Variants in DLGAP2 observed in about 807,000 individuals in gnomAD.
DLGAP2 encodes disks large-associated protein 2.
DLGAP2 carries 26 observed loss-of-function variants against 100.3 expected under a neutral mutation model. That is an observed-to-expected ratio of 0.26 (90% confidence interval 0.19 to 0.36). The LOEUF is 0.36. Among genes scored for constraint, DLGAP2 ranks in the 10% least tolerant of loss-of-function variants. DLGAP2 has a pLI of 1.00. For missense variants in DLGAP2, 1,858 were observed against 1,453.2 expected (o/e 1.28, Z -4.53); for synonymous variants, 886 against 630.1 (o/e 1.41, Z -6.08).
In DLGAP2 at chr8:1,651,510, C is replaced by T. The variant is rs556184068; in HGVS notation, c.1811-16819C>T. The stretch of plus-strand genomic sequence containing the variant: ...TAGGCTGAGATCCTCAACTGAGCTG[C>T]TTCTCTAAAGCAGGGGCAGCGGGCA... On this transcript the variant is annotated intron_variant, in intron 8 of 14. Transcript: ENST00000637795. Among the ~76,000 whole-genome samples the T allele has an allele frequency of 8.9e-4, 136 of 152,318 alleles. 2 individuals are homozygous for T. In the South Asian group the frequency reaches 0.01, roughly 11 times the overall value.
chr8:897,576 G>A (rs971950229), intron 1 of DLGAP2, among the ~76,000 whole-genome samples: 8 of 152,126 alleles, frequency 5.3e-5, no homozygotes, highest in Non-Finnish European at 1.0e-4. Context: ...GAGGAGTCAC[G>A]GGGGTGTGTG....
At chr8:1,615,682 G>C (rs1046130414) in intron 6 of DLGAP2, among the ~76,000 whole-genome samples, 31 of 150,766 alleles carry the variant, frequency 2.1e-4, no homozygotes, top group African/African-American at 5.9e-4. Flanking sequence ...GAACTCACCG[G>C]AAAGATCTTT....
intron 2 of DLGAP2, among the ~76,000 whole-genome samples, chr8:1,078,457 C>T (rs1803695751): frequency 6.6e-6 from 1 of 152,178 alleles, no homozygotes; most frequent in South Asian, 2.1e-4. Flanking sequence ...CTTGGTGTTG[C>T]ACATTCTGGG....
At chr8:1,286,373 T>A (rs1423780884) in intron 3 of DLGAP2, among the ~76,000 whole-genome samples, 1 of 152,196 alleles carries the variant, frequency 6.6e-6, no homozygotes, top group Admixed American at 6.5e-5. Context: ...CCGACTAATA[T>A]ACCAATGAAT....
intron 3 of DLGAP2, among the ~76,000 whole-genome samples, chr8:1,483,740 T>G (rs374878124): frequency 0.015 from 134 of 9,210 alleles, 1 homozygote; most frequent in African/African-American, 0.051. Context: ...AGGTGCAGAA[T>G]GTGGGGACCA....
chr8:1,345,285 G>C (rs368961694), intron 3 of DLGAP2, among the ~76,000 whole-genome samples: 2 of 69,634 alleles, frequency 2.9e-5, no homozygotes, highest in African/African-American at 4.1e-5. Context: ...GCTTAAGATG[G>C]AGGTTCAGTT....
intron 4 of DLGAP2, among the ~76,000 whole-genome samples, chr8:1,514,996 T>C (rs553940072): frequency 6.6e-6 from 1 of 150,666 alleles, no homozygotes; most frequent in South Asian, 2.1e-4. Flanking sequence ...GAGACTGACG[T>C]GGAGGGAGAC....
In DLGAP2 at chr8:1,183,722, C is replaced by T. The variant is rs138401855; in HGVS notation, c.74-75129C>T. Reference sequence around the variant, plus strand: ...CCCCAGTCCTCATTTCTGTTATCACCGCCTCCTGGTCCGAGGCATCTTTAT... The same window carrying T: ...CCCCAGTCCTCATTTCTGTTATCACTGCCTCCTGGTCCGAGGCATCTTTAT... On this transcript the variant is annotated intron_variant, in intron 2 of 14. Transcript: ENST00000637795. Among the ~76,000 whole-genome samples the T allele has an allele frequency of 1.6e-3, 247 of 152,260 alleles. 2 individuals carry two copies. Among genetic ancestry groups the T allele is most frequent in the African/African-American group, 4.7e-3 (194 of 41,550 alleles).
intron 2 of DLGAP2, among the ~76,000 whole-genome samples, chr8:1,127,488 G>A (rs1018588026): frequency 8.5e-5 from 13 of 152,220 alleles, no homozygotes; most frequent in Admixed American, 6.5e-4. Flanking sequence ...GCTTTTCCCC[G>A]GAGGGTGCTG....
intron 2 of DLGAP2, among the ~76,000 whole-genome samples, chr8:1,142,860 G>C (rs1246896616): frequency 6.6e-6 from 1 of 152,140 alleles, no homozygotes; most frequent in Non-Finnish European, 1.5e-5. Context: ...TCATGGCGTG[G>C]GGAGCAGCAG....
chr8:1,070,829 T>C (rs1266427691), intron 2 of DLGAP2, among the ~76,000 whole-genome samples: 1 of 152,170 alleles, frequency 6.6e-6, no homozygotes, highest in Non-Finnish European at 1.5e-5. Context: ...TATTCTGAGC[T>C]GGGCTGTGGT....
chr8:1,562,624 G>A lies in DLGAP2; in HGVS notation c.1231-3059G>A, dbSNP rs191284981. 4.0e-3 allele frequency among the ~76,000 whole-genome samples: 220 copies of A among 54,840 alleles called. 15 individuals carry two copies. Among genetic ancestry groups the A allele is most frequent in the African/African-American group, 0.018 (206 of 11,572 alleles). 36.0% of individuals were successfully genotyped at this position (54,840 alleles called of 152,430 possible). A position where few individuals can be genotyped will look rare whatever the true frequency, so the allele number is the denominator to read the frequency against. On this transcript the variant is annotated intron_variant, in intron 5 of 14. Coordinates refer to ENST00000637795, the MANE Select transcript of DLGAP2 (RefSeq NM_001346810.2). Reference sequence around the variant, plus strand: ...GCGCCTCGTTGCTCGGGGACTGTGTGGTGTTGGGGTGTCCGCGCCTCGTTG... The same window carrying A: ...GCGCCTCGTTGCTCGGGGACTGTGTAGTGTTGGGGTGTCCGCGCCTCGTTG...
intron 3 of DLGAP2, among the ~76,000 whole-genome samples, chr8:1,479,594 G>A (rs532536779): frequency 2.0e-5 from 3 of 152,204 alleles, no homozygotes; most frequent in Admixed American, 6.5e-5. Context: ...CCTGCTTATC[G>A]ATTCTTGAAA....
Position 1,539,450 on chromosome 8 carries a change from C to A in DLGAP2, c.173-9176C>A, listed in dbSNP as rs531911643. Among the ~76,000 whole-genome samples, 14 of 152,300 alleles carry A rather than the reference C, an allele frequency of 9.2e-5. No individual in the cohort carries two copies. In the South Asian group the frequency reaches 2.9e-3, roughly 32 times the overall value. ...GATGGACGGCTCTAATCTCGGTGCA[C>A]TGGGAGATAACAAGCCCATCCCCAC... On this transcript the variant is annotated intron_variant, in intron 4 of 14. Coordinates refer to ENST00000637795, the MANE Select transcript of DLGAP2 (RefSeq NM_001346810.2).
At position 942,939 on chromosome 8, in the gene DLGAP2, G is replaced by GC. The variant is rs1799228417; in HGVS notation, c.73+34974dup. On this transcript the variant is annotated intron_variant, in intron 2 of 14. Transcript: ENST00000637795. ...CGGGCATGTTTGCCTCTCCAGTGAT[G>GC]CGTTGCAAGGGTGTGCGGAACACCA... Among the ~76,000 whole-genome samples, 3 of 152,242 alleles carry GC rather than the reference G, an allele frequency of 2.0e-5. No individual in the cohort carries two copies. The South Asian group carries it at 6.2e-4, about 32-fold the overall frequency.
chr8:1,696,654 C>T (rs1799405158), intron 13 of DLGAP2, among the ~76,000 whole-genome samples: 1 of 152,220 alleles, frequency 6.6e-6, no homozygotes, highest in Admixed American at 6.5e-5. Context: ...TTGGTGAGAG[C>T]ATCCTGTTCC....
intron 1 of DLGAP2, among the ~76,000 whole-genome samples, chr8:869,568 T>C (rs183280932): frequency 6.6e-6 from 1 of 152,306 alleles, no homozygotes; most frequent in African/African-American, 2.4e-5. Flanking sequence ...ACATGGGCTT[T>C]TTAATAACTC....
intron 1 of DLGAP2, among the ~76,000 whole-genome samples, chr8:773,183 GTTTCTGCAAAGGCCTC>G (rs1203678865): frequency 1.3e-5 from 2 of 152,172 alleles, no homozygotes; most frequent in Admixed American, 6.5e-5. Flanking sequence ...AGCAGGGCTG[GTTTCTGCAAAGGCCTC>G]TTTCTTTGGT....
intron 1 of DLGAP2, among the ~76,000 whole-genome samples, chr8:886,759 G>C (rs371736893): frequency 5.3e-4 from 80 of 152,248 alleles, no homozygotes; most frequent in African/African-American, 1.9e-3. Flanking sequence ...CAGTTCTTTT[G>C]CATTTGCTGA....
Sources: allele counts gnomAD v4.1 joint callset (sites outside exome capture counted in the v4.1 genomes callset), GRCh38; gene constraint gnomAD v4.1.1; transcripts MANE v1.5; gene names NCBI Gene and HGNC (gene_info 2026-07-23, HGNC 2026-07-21).